The following RASA3 variants were observed in gnomAD, a reference collection of about 807,000 sequenced individuals.
The protein encoded by RASA3 is ras GTPase-activating protein 3.
RASA3 carries 73 observed loss-of-function variants against 110.0 expected under a neutral mutation model. The observed-to-expected ratio is 0.66, with a 90% confidence interval of 0.55 to 0.81. The LOEUF (loss-of-function observed/expected upper bound fraction) is 0.81, where lower values mean the gene tolerates loss of function less well. Among genes scored for constraint, RASA3 ranks in the 30% least tolerant of loss-of-function variants. The pLI is 0.00. For missense variants in RASA3, 976 were observed against 1,113.2 expected, an observed-to-expected ratio of 0.88 and a Z score of 1.75; for synonymous variants, 500 against 451.4, an observed-to-expected ratio of 1.11 and a Z score of -1.37.
At position 113,980,786 on chromosome 13, in the gene RASA3, C is replaced by T. The variant is rs540063063; in HGVS notation, c.2429+889G>A. Among the ~76,000 whole-genome samples, 6 of 152,172 alleles carry T rather than the reference C, an allele frequency of 3.9e-5. No individual in the cohort carries two copies. In the East Asian group the frequency reaches 7.7e-4, roughly 20 times the overall value. ...ACAGGGACCTGTCACTCTCCTGGAGCCTCACCACTGCCCTTCCCAGACCAG... is the reference window on the plus strand; with the variant it reads ...ACAGGGACCTGTCACTCTCCTGGAGTCTCACCACTGCCCTTCCCAGACCAG... On this transcript the variant is annotated intron_variant, in intron 23 of 23. Transcript: ENST00000334062.
At chr13:114,088,517 G>A (rs2079848637) in intron 1 of RASA3, among the ~76,000 whole-genome samples, 1 of 151,798 alleles carries the variant, frequency 6.6e-6, no homozygotes, top group South Asian at 2.1e-4. Context: ...ATACTTGATG[G>A]ATTTGAACAG....
chr13:114,068,242 G>A (rs1324470675), intron 2 of RASA3, among the ~76,000 whole-genome samples: 2 of 152,230 alleles, frequency 1.3e-5, no homozygotes, highest in Non-Finnish European at 2.9e-5. Context: ...GCTCCGCGTG[G>A]GGCAGAGGGC....
intron 2 of RASA3, among the ~76,000 whole-genome samples, chr13:114,055,575 CAATT>C (rs1209473407): frequency 6.6e-6 from 1 of 152,216 alleles, no homozygotes; most frequent in East Asian, 1.9e-4. Context: ...CAAGCGTTAA[CAATT>C]AATAGTAATC....
At chr13:114,101,997 G>A (rs922624605) in intron 1 of RASA3, among the ~76,000 whole-genome samples, 3 of 152,146 alleles carry the variant, frequency 2.0e-5, no homozygotes, top group East Asian at 1.9e-4. Flanking sequence ...CCCCACAAGC[G>A]ACGTCTACAG....
At position 114,089,189 on chromosome 13, in the gene RASA3, G is replaced by A. The variant is rs565497922; in HGVS notation, c.56-15352C>T. 1.7e-3 allele frequency among the ~76,000 whole-genome samples: 263 copies of A among 151,728 alleles called. 1 individual carries two copies. Among genetic ancestry groups the A allele is most frequent in the African/African-American group, 4.0e-3 (166 of 41,310 alleles). On this transcript the variant is annotated intron_variant, in intron 1 of 23. Transcript: ENST00000334062. ...ATTTCTAATAGTTCTCATTAGAGGG[G>A]CAGAGCAGCTGAAAAGGGTGAAGAA...
At chr13:114,050,825 C>T (rs967909823) in intron 3 of RASA3, among the ~76,000 whole-genome samples, 1 of 152,256 alleles carries the variant, frequency 6.6e-6, no homozygotes, top group South Asian at 2.1e-4. Flanking sequence ...GGTTTTAGGA[C>T]ACTCAAGCTC....
rs2053263243 is a variant in RASA3, at chr13:113,996,656, G to A, written c.2016C>T (p.Leu672=). 6.2e-7 allele frequency: 1 copy of A among 1,613,864 alleles called. No individual in the cohort carries two copies. The highest frequency in any genetic ancestry group is 8.5e-7 in the Non-Finnish European group (1 of 1,180,044). Residue 672 remains leucine, a synonymous_variant, in exon 21 of 24, where the codon CTC becomes CTT. Coordinates refer to ENST00000334062, the MANE Select transcript of RASA3 (RefSeq NM_007368.4). ...CVEAKDWIDI[L]TKVSQCNQKR... is the part of the protein sequence containing the mutation. The stretch of plus-strand genomic sequence containing the variant: ...TCTGGTTGCACTGGCTCACTTTGGT[G>A]AGAATGTCGATCCAGTCCTTGGCCT...
At chr13:114,025,948 G>C (rs893920395) in intron 7 of RASA3, among the ~76,000 whole-genome samples, 2 of 152,234 alleles carry the variant, frequency 1.3e-5, no homozygotes, top group African/African-American at 4.8e-5. Context: ...GGAAGGGGAG[G>C]AGACGGAGTG....
intron 1 of RASA3, among the ~76,000 whole-genome samples, chr13:114,123,352 T>C (rs1417747914): frequency 6.6e-6 from 1 of 151,884 alleles, no homozygotes; most frequent in African/African-American, 2.4e-5. Flanking sequence ...AAAAGAAGAG[T>C]GAAACCTTTT....
intron 2 of RASA3, among the ~76,000 whole-genome samples, chr13:114,068,633 G>T (rs576040642): frequency 6.6e-6 from 1 of 152,112 alleles, no homozygotes; most frequent in African/African-American, 2.4e-5. Flanking sequence ...GGTCCAGGGC[G>T]GGAAGCTGGT....
At chr13:114,080,302 G>A (rs1374767032) in intron 1 of RASA3, among the ~76,000 whole-genome samples, 3 of 152,182 alleles carry the variant, frequency 2.0e-5, no homozygotes, top group African/African-American at 7.2e-5. Context: ...GGAGCCCCTG[G>A]CACCAGCGGG....
At chr13:114,000,954 C>T in intron 18 of RASA3, 22 bp from the exon 19 acceptor site, 1 of 1,540,854 alleles carries the variant, frequency 6.5e-7, no homozygotes, top group Non-Finnish European at 9.0e-7. Context: ...GCACACAGGG[C>T]CGGGGTCCGG....
chr13:114,126,687 C>T (rs951521816), intron 1 of RASA3, among the ~76,000 whole-genome samples: 6 of 152,348 alleles, frequency 3.9e-5, no homozygotes, highest in South Asian at 2.1e-4. Context: ...TCATTACAGA[C>T]GAACAGATAG....
rs930306493 is a variant in RASA3, at chr13:113,991,115, G to A, written c.2245+1370C>T. 1.3e-4 allele frequency among the ~76,000 whole-genome samples: 16 copies of A among 124,998 alleles called. 2 individuals are homozygous for A. The highest frequency in any genetic ancestry group is 2.4e-4 in the Admixed American group (3 of 12,466). 82.0% of individuals were successfully genotyped at this position (124,998 alleles called of 152,430 possible). A position where few individuals can be genotyped will look rare whatever the true frequency, so the allele number is the denominator to read the frequency against. On this transcript the variant is annotated intron_variant, in intron 22 of 23. Transcript: ENST00000334062. Reference sequence around the variant, plus strand: ...CAAGCTCACAGATGGGCAGCTGCACGGACACCCAGGGCATGTGGGGCTGGA... The same window carrying A: ...CAAGCTCACAGATGGGCAGCTGCACAGACACCCAGGGCATGTGGGGCTGGA...
intron 22 of RASA3, among the ~76,000 whole-genome samples, chr13:113,989,777 G>T (rs2053065817): frequency 6.6e-6 from 1 of 152,216 alleles, no homozygotes; most frequent in South Asian, 2.1e-4. Context: ...CCCGCCATCT[G>T]TCCAGCACAC....
intron 18 of RASA3, 32 bp from the exon 19 acceptor site, chr13:114,000,964 G>T: frequency 6.8e-7 from 1 of 1,470,180 alleles, no homozygotes; most frequent in Non-Finnish European, 9.5e-7. Context: ...CCGGGGTCCG[G>T]GCCTCAGCTG....
chr13:114,005,952 C>G (rs373640875), intron 18 of RASA3, among the ~76,000 whole-genome samples: 2 of 26,422 alleles, frequency 7.6e-5, no homozygotes, highest in South Asian at 1.6e-3. Context: ...TGGATGCCAC[C>G]TTACCCTTCT....
intron 2 of RASA3, among the ~76,000 whole-genome samples, chr13:114,062,597 G>A (rs557766347): frequency 7.8e-4 from 118 of 151,674 alleles, no homozygotes; most frequent in African/African-American, 2.6e-3. Flanking sequence ...GCCCACGTCC[G>A]CACGCAGACT....
intron 1 of RASA3, among the ~76,000 whole-genome samples, chr13:114,077,318 G>A (rs545602076): frequency 1.2e-4 from 18 of 150,578 alleles, no homozygotes; most frequent in African/African-American, 2.9e-4. Flanking sequence ...CAGTCCCACC[G>A]CACTGGCACC....
Sources: gnomAD v4.1 joint callset for allele counts (sites outside exome capture counted in the v4.1 genomes callset) on GRCh38, gnomAD v4.1.1 for gene constraint, MANE v1.5 for transcripts, NCBI Gene and HGNC (gene_info 2026-07-23, HGNC 2026-07-21) for gene names.